Variants in ASIC2 observed in about 807,000 individuals in gnomAD.
ASIC2 encodes the protein acid-sensing ion channel 2.
A neutral mutation model predicts 57.3 loss-of-function variants in ASIC2; 25 were observed. The ratio of observed to expected loss-of-function variants is 0.44; its 90% CI spans 0.32 to 0.61. The LOEUF (loss-of-function observed/expected upper bound fraction) is 0.61. Among genes scored for constraint, ASIC2 ranks in the 20% least tolerant of loss-of-function variants. ASIC2 has a pLI of 0.06. For missense variants in ASIC2, 641 were observed against 738.1 expected, an observed-to-expected ratio of 0.87 and a Z score of 1.52; for synonymous variants, 319 against 307.5, an observed-to-expected ratio of 1.04 and a Z score of -0.39.
At chr17:33,375,825 G>T (rs1215092128) in intron 1 of ASIC2, among the ~76,000 whole-genome samples, 1 of 152,220 alleles carries the variant, frequency 6.6e-6, no homozygotes, top group Non-Finnish European at 1.5e-5. Flanking sequence ...TCCAAGTGTT[G>T]TCCTGAGTAA....
At chr17:33,106,469 C>G (rs576572477) in intron 2 of ASIC2, among the ~76,000 whole-genome samples, 1 of 152,252 alleles carries the variant, frequency 6.6e-6, no homozygotes, top group Admixed American at 6.5e-5. Context: ...TTCTGACACT[C>G]GAACCCTTTT....
At chr17:33,371,922 AC>A (rs2141939431) in intron 1 of ASIC2, among the ~76,000 whole-genome samples, 1 of 152,244 alleles carries the variant, frequency 6.6e-6, no homozygotes, top group South Asian at 2.1e-4. Context: ...ATAGGAGCAG[AC>A]GGTGAGGACA....
At chr17:33,223,780 C>T (rs1380244759) in intron 1 of ASIC2, among the ~76,000 whole-genome samples, 1 of 152,166 alleles carries the variant, frequency 6.6e-6, no homozygotes, top group Non-Finnish European at 1.5e-5. Flanking sequence ...ACGGACAGTG[C>T]GAGTGAAGCG....
intron 1 of ASIC2, among the ~76,000 whole-genome samples, chr17:33,121,950 C>T (rs1169351163): frequency 6.6e-6 from 1 of 152,178 alleles, no homozygotes; most frequent in Admixed American, 6.5e-5. Flanking sequence ...CCAGACCACA[C>T]CTAGGAGCAT....
intron 1 of ASIC2, among the ~76,000 whole-genome samples, chr17:33,884,274 C>T (rs1366610745): frequency 6.6e-6 from 1 of 152,208 alleles, no homozygotes; most frequent in Non-Finnish European, 1.5e-5. Context: ...GCCTCACTCT[C>T]ACACTAGCAG....
chr17:33,659,843 G>A (rs1217725611), intron 1 of ASIC2, among the ~76,000 whole-genome samples: 1 of 151,680 alleles, frequency 6.6e-6, no homozygotes, highest in East Asian at 1.9e-4. Flanking sequence ...CTGCACTCCA[G>A]CCTGGGTGAC....
chr17:33,558,139 T>C (rs762628846), intron 1 of ASIC2, among the ~76,000 whole-genome samples: 2 of 151,358 alleles, frequency 1.3e-5, no homozygotes, highest in Non-Finnish European at 2.9e-5. Context: ...TTTCTCCCCG[T>C]GTGTGGAGAC....
chr17:33,137,465 G>A (rs28559890), intron 1 of ASIC2, among the ~76,000 whole-genome samples: 1,609 of 152,290 alleles, frequency 0.011, 22 homozygotes, highest in African/African-American at 0.037. Context: ...AATGAGGTGG[G>A]GAAGGGAAGA....
chr17:33,051,716 T>G (rs1173849628), intron 3 of ASIC2, among the ~76,000 whole-genome samples: 2 of 152,166 alleles, frequency 1.3e-5, no homozygotes, highest in Non-Finnish European at 2.9e-5. Context: ...AGGGGTTTTA[T>G]GAGATATAAG....
chr17:33,458,596 T>A (rs1912531328), intron 1 of ASIC2, among the ~76,000 whole-genome samples: 1 of 152,038 alleles, frequency 6.6e-6, no homozygotes, highest in Admixed American at 6.5e-5. Flanking sequence ...GCATAATGGG[T>A]TGTTGGGAGC....
intron 1 of ASIC2, among the ~76,000 whole-genome samples, chr17:33,678,124 A>T (rs1907884727): frequency 1.3e-5 from 2 of 152,178 alleles, no homozygotes; most frequent in Non-Finnish European, 2.9e-5. Context: ...TAGCAAAAAG[A>T]TTACAGATCA....
At chr17:33,647,343 A>G (rs139304213) in intron 1 of ASIC2, among the ~76,000 whole-genome samples, 1 of 152,312 alleles carries the variant, frequency 6.6e-6, no homozygotes, top group Non-Finnish European at 1.5e-5. Context: ...AGGGAAGATG[A>G]TGGGTCCTTG....
chr17:33,768,049 C>T (rs1254902219), intron 1 of ASIC2, among the ~76,000 whole-genome samples: 2 of 151,492 alleles, frequency 1.3e-5, no homozygotes, highest in African/African-American at 2.4e-5. Context: ...CACTCTGTTG[C>T]CCAGGCTGGG....
At chr17:33,055,060 G>A (rs1012108545) in intron 3 of ASIC2, among the ~76,000 whole-genome samples, 1 of 152,154 alleles carries the variant, frequency 6.6e-6, no homozygotes, top group South Asian at 2.1e-4. Context: ...TTGACATTGG[G>A]GTGGTTTACC....
chr17:33,972,181 C>T (rs923404471), intron 1 of ASIC2, among the ~76,000 whole-genome samples: 1 of 152,174 alleles, frequency 6.6e-6, no homozygotes, highest in African/African-American at 2.4e-5. Flanking sequence ...ACCTTACTTA[C>T]CAAACATGTC....
At chr17:33,392,009 G>T (rs1458242511) in intron 1 of ASIC2, among the ~76,000 whole-genome samples, 3 of 152,014 alleles carry the variant, frequency 2.0e-5, no homozygotes, top group Admixed American at 6.6e-5. Context: ...CCCCAAAACC[G>T]CTCCTCTGGT....
intron 3 of ASIC2, among the ~76,000 whole-genome samples, chr17:33,067,667 G>C (rs2092049441): frequency 6.6e-6 from 1 of 152,170 alleles, no homozygotes; most frequent in Non-Finnish European, 1.5e-5. Context: ...CAGGTTTAGG[G>C]ATGCCTGTAA....
chr17:34,054,602 A>T (rs1310995915), intron 1 of ASIC2, among the ~76,000 whole-genome samples: 1 of 152,194 alleles, frequency 6.6e-6, no homozygotes. Context: ...TCTTCAAAAC[A>T]TGCCAAAATA....
At chr17:33,573,756 G>C (rs1436667149) in intron 1 of ASIC2, among the ~76,000 whole-genome samples, 2 of 152,156 alleles carry the variant, frequency 1.3e-5, no homozygotes, top group African/African-American at 4.8e-5. Flanking sequence ...AACAGAGACA[G>C]GGTTTTGCCA....
Sources: allele counts gnomAD v4.1 joint callset (sites outside exome capture counted in the v4.1 genomes callset), GRCh38; gene constraint gnomAD v4.1.1; transcripts MANE v1.5; gene names NCBI Gene and HGNC (gene_info 2026-07-23, HGNC 2026-07-21).